Variants in RPS6KA5 observed in about 807,000 individuals in gnomAD.
The protein encoded by RPS6KA5 is ribosomal protein S6 kinase alpha-5.
RPS6KA5 carries 27 observed loss-of-function variants against 85.5 expected under a neutral mutation model. The observed-to-expected ratio is 0.32, with a 90% CI of 0.23 to 0.44. RPS6KA5 has a LOEUF of 0.44. RPS6KA5 is among the 20% of genes least tolerant of loss of function. The pLI, the probability that RPS6KA5 is intolerant of heterozygous loss-of-function variation, is 1.00. For synonymous variants in RPS6KA5, 334 were observed against 348.2 expected (o/e 0.96, Z 0.46); for missense variants, 811 against 980.9 (o/e 0.83, Z 2.31).
At chr14:90,957,270 GGCC>G (rs2038571483) in intron 3 of RPS6KA5, among the ~76,000 whole-genome samples, 1 of 152,072 alleles carries the variant, frequency 6.6e-6, no homozygotes, top group African/African-American at 2.4e-5. Context: ...TCGCCATGTT[GGCC>G]AGGCTGCTCT....
intron 4 of RPS6KA5, among the ~76,000 whole-genome samples, chr14:90,946,780 C>CA (rs1473706778): frequency 5.3e-5 from 8 of 152,200 alleles, no homozygotes; most frequent in African/African-American, 1.9e-4. Flanking sequence ...TTAAGTAAAA[C>CA]AAAAAACCGA....
chr14:90,992,205 A>G (rs538674199), intron 2 of RPS6KA5, among the ~76,000 whole-genome samples: 1 of 152,348 alleles, frequency 6.6e-6, no homozygotes, highest in East Asian at 1.9e-4. Flanking sequence ...TACTCCATTT[A>G]GTCATCAAAA....
chr14:90,894,640 C>G (rs1338789857), intron 12 of RPS6KA5, 57 bp from the exon 13 acceptor site: 12 of 1,553,666 alleles, frequency 7.7e-6, no homozygotes, highest in Non-Finnish European at 7.8e-6. Flanking sequence ...AGTCTATTAA[C>G]ATATAAAACA....
At chr14:90,929,847 G>A (rs918066160) in intron 5 of RPS6KA5, among the ~76,000 whole-genome samples, 3 of 152,100 alleles carry the variant, frequency 2.0e-5, no homozygotes, top group African/African-American at 7.2e-5. Context: ...TCAGAATCAA[G>A]ACTTACTATA....
At chr14:90,939,312 C>T (rs972868290) in intron 5 of RPS6KA5, among the ~76,000 whole-genome samples, 2 of 152,222 alleles carry the variant, frequency 1.3e-5, no homozygotes, top group African/African-American at 4.8e-5. Flanking sequence ...AGCCATTCAA[C>T]AAGTCTCTAG....
chr14:90,856,045 G>A lies in RPS6KA5; in HGVS notation c.*16029C>T, dbSNP rs530127526. The stretch of plus-strand genomic sequence containing the variant: ...ACTTTAGGGCAAAGATACAAGTAAT[G>A]ATAAGCTGGATATGATCACCATGGA... On this transcript the variant is annotated 3_prime_UTR_variant, in exon 17 of 17. Transcript: ENST00000614987. The A allele has an allele frequency of 4.6e-5, 7 of 152,276 alleles. No individual in the cohort carries two copies. The East Asian group carries it at 1.4e-3, about 29-fold the overall frequency. 9.4% of individuals were successfully genotyped at this position (152,276 alleles called of 1,614,324 possible). A position where few individuals can be genotyped will look rare whatever the true frequency, so the allele number is the denominator to read the frequency against.
intron 2 of RPS6KA5, among the ~76,000 whole-genome samples, chr14:90,980,933 A>G (rs1292409092): frequency 6.6e-6 from 1 of 152,162 alleles, no homozygotes; most frequent in Admixed American, 6.5e-5. Context: ...GCACTTTGGG[A>G]GGCTGAGGCA....
chr14:90,980,935 G>A (rs567184364), intron 2 of RPS6KA5, among the ~76,000 whole-genome samples: 2 of 152,346 alleles, frequency 1.3e-5, no homozygotes, highest in African/African-American at 4.8e-5. Context: ...ACTTTGGGAG[G>A]CTGAGGCAGG....
intron 2 of RPS6KA5, among the ~76,000 whole-genome samples, chr14:90,991,387 G>C (rs982276868): frequency 2.6e-5 from 4 of 152,052 alleles, no homozygotes; most frequent in African/African-American, 9.7e-5. Context: ...GAAAATTATA[G>C]GACTTTGTGA....
At chr14:91,003,715 A>G (rs1288003227) in intron 1 of RPS6KA5, among the ~76,000 whole-genome samples, 1 of 152,180 alleles carries the variant, frequency 6.6e-6, no homozygotes, top group Non-Finnish European at 1.5e-5. Flanking sequence ...TACTGTTCCC[A>G]GGTGGCTGGT....
intron 1 of RPS6KA5, among the ~76,000 whole-genome samples, chr14:91,024,766 C>G (rs1248791659): frequency 6.6e-6 from 1 of 152,172 alleles, no homozygotes; most frequent in Admixed American, 6.5e-5. Context: ...AAGTCCCAGA[C>G]CAGGGTTCTG....
chr14:90,982,140 T>C (rs1189665310), intron 2 of RPS6KA5, among the ~76,000 whole-genome samples: 1 of 152,250 alleles, frequency 6.6e-6, no homozygotes, highest in African/African-American at 2.4e-5. Flanking sequence ...TTTCTTTTAG[T>C]TTGCAACTGG....
chr14:90,899,463 A>G (rs760844299), intron 11 of RPS6KA5, 41 bp from the exon 12 acceptor site: 7 of 1,428,304 alleles, frequency 4.9e-6, no homozygotes, highest in Admixed American at 1.7e-5. Context: ...TCTCTTCAAG[A>G]AAGTTTTTAT....
chr14:90,910,779 A>G (rs1003541215), intron 7 of RPS6KA5, among the ~76,000 whole-genome samples: 4 of 151,050 alleles, frequency 2.6e-5, no homozygotes, highest in Non-Finnish European at 5.9e-5. Flanking sequence ...TCCGCCTCCC[A>G]GGTTCACGCC....
At chr14:90,921,530 A>G (rs2036399808) in intron 6 of RPS6KA5, among the ~76,000 whole-genome samples, 1 of 152,238 alleles carries the variant, frequency 6.6e-6, no homozygotes, top group African/African-American at 2.4e-5. Context: ...AAATTCCCCA[A>G]CAGCTTCAAA....
At chr14:90,957,598 G>C (rs552600878) in intron 3 of RPS6KA5, among the ~76,000 whole-genome samples, 1 of 151,996 alleles carries the variant, frequency 6.6e-6, no homozygotes, top group Non-Finnish European at 1.5e-5. Context: ...CTGGCTGGTC[G>C]CTATTTTGTT....
At position 90,852,060 on chromosome 14, in the gene RPS6KA5, G is replaced by A. The variant is rs932749910; in HGVS notation, c.*20014C>T. ...TCATCTACAGCAAAGACAAATTATCGGTATCTTTTCTTTAAAAAATCACTT... is the reference window on the plus strand; with the variant it reads ...TCATCTACAGCAAAGACAAATTATCAGTATCTTTTCTTTAAAAAATCACTT... On this transcript the variant is annotated 3_prime_UTR_variant, in exon 17 of 17. Coordinates refer to ENST00000614987, the MANE Select transcript of RPS6KA5 (RefSeq NM_004755.4). The A allele has an allele frequency of 2.1e-5, 3 of 145,728 alleles. No homozygotes were observed. Among genetic ancestry groups the A allele is most frequent in the African/African-American group, 5.0e-5 (2 of 39,896 alleles). 9.0% of individuals were successfully genotyped at this position (145,728 alleles called of 1,614,324 possible). A position where few individuals can be genotyped will look rare whatever the true frequency, so the allele number is the denominator to read the frequency against.
rs1191019458 is a variant in RPS6KA5 at position 90,926,657 on chromosome 14, ATATT to A, written c.619-3465_619-3462del. 4.8e-5 allele frequency among the ~76,000 whole-genome samples: 6 copies of A among 126,054 alleles called. No individual in the cohort carries two copies. The East Asian group carries it at 1.2e-3, about 25-fold the overall frequency. The allele number at this position is 126,054 out of a possible 152,430, so 82.7% of individuals were successfully genotyped here. A position where few individuals can be genotyped will look rare whatever the true frequency, so the allele number is the denominator to read the frequency against. On this transcript the variant is annotated intron_variant, in intron 5 of 16. Transcript: ENST00000614987. Reference sequence around the variant, plus strand: ...TATATATGTATGTGTATATATATATATATTTAAGTGTGTGTGTGTGTGTGTGTGT... The same window carrying A: ...TATATATGTATGTGTATATATATATATAAGTGTGTGTGTGTGTGTGTGTGT...
intron 5 of RPS6KA5, among the ~76,000 whole-genome samples, chr14:90,926,068 A>AAAAGATAATACC (rs2036651250): frequency 6.6e-6 from 1 of 152,130 alleles, no homozygotes; most frequent in Non-Finnish European, 1.5e-5. Flanking sequence ...AAAGACAGTA[A>AAAAGATAATACC]ATTAGAGGAT....
Sources: gnomAD v4.1 joint callset for allele counts (sites outside exome capture counted in the v4.1 genomes callset) on GRCh38, gnomAD v4.1.1 for gene constraint, MANE v1.5 for transcripts, NCBI Gene and HGNC (gene_info 2026-07-23, HGNC 2026-07-21) for gene names.